Variants in PTPRD observed in about 807,000 individuals in gnomAD.
PTPRD encodes the protein protein tyrosine phosphatase receptor type D.
In PTPRD, 34 loss-of-function variants were observed where a neutral mutation model predicts 214.5. That is an observed-to-expected ratio of 0.16 (90% confidence interval 0.12 to 0.21). The LOEUF (loss-of-function observed/expected upper bound fraction) is 0.21, where lower values mean the gene tolerates loss of function less well. PTPRD is among the 10% of genes least tolerant of loss of function. The pLI, the probability that PTPRD is intolerant of heterozygous loss-of-function variation, is 1.00. For synonymous variants in PTPRD, 1,128 were observed against 845.7 expected, an observed-to-expected ratio of 1.33 and a Z score of -5.79; for missense variants, 2,545 against 2,398.7, an observed-to-expected ratio of 1.06 and a Z score of -1.27.
intron 7 of PTPRD, among the ~76,000 whole-genome samples, chr9:9,651,269 T>G (rs1297998423): frequency 2.0e-5 from 3 of 152,202 alleles, no homozygotes; most frequent in Non-Finnish European, 4.4e-5. Flanking sequence ...AGTTCAAGGA[T>G]ACAAGTGCAG....
intron 12 of PTPRD, among the ~76,000 whole-genome samples, chr9:8,655,667 A>G (rs901849637): frequency 2.6e-5 from 4 of 152,102 alleles, no homozygotes; most frequent in African/African-American, 4.8e-5. Context: ...AATGCCACAT[A>G]TATGAACTTT....
At chr9:9,935,099 C>G (rs1002725917) in intron 5 of PTPRD, among the ~76,000 whole-genome samples, 1 of 152,080 alleles carries the variant, frequency 6.6e-6, no homozygotes, top group Non-Finnish European at 1.5e-5. Flanking sequence ...CTCTCTATGA[C>G]AAACCCACAG....
chr9:8,515,635 T>C (rs1485348245), intron 21 of PTPRD, among the ~76,000 whole-genome samples: 6 of 152,184 alleles, frequency 3.9e-5, no homozygotes, highest in East Asian at 1.9e-4. Flanking sequence ...AATGTAAAGA[T>C]GAAGGTAGTG....
At chr9:10,130,905 A>C (rs2098867080) in intron 3 of PTPRD, among the ~76,000 whole-genome samples, 1 of 152,158 alleles carries the variant, frequency 6.6e-6, no homozygotes. Flanking sequence ...AAATGTGCAA[A>C]GTAGTTCAGC....
chr9:8,651,277 T>C (rs1184999196), intron 12 of PTPRD, among the ~76,000 whole-genome samples: 1 of 152,120 alleles, frequency 6.6e-6, no homozygotes, highest in Non-Finnish European at 1.5e-5. Flanking sequence ...TTCTCCTGAG[T>C]GAGCTATTTG....
At chr9:8,812,539 T>C (rs1440324520) in intron 11 of PTPRD, among the ~76,000 whole-genome samples, 1 of 152,210 alleles carries the variant, frequency 6.6e-6, no homozygotes, top group African/African-American at 2.4e-5. Context: ...TGAAAGTACA[T>C]GTGCAACGAC....
At chr9:9,123,325 T>C (rs1015822388) in intron 10 of PTPRD, among the ~76,000 whole-genome samples, 1 of 152,216 alleles carries the variant, frequency 6.6e-6, no homozygotes, top group Non-Finnish European at 1.5e-5. Context: ...CCATTTCCCC[T>C]TCAGCAAGCT....
At chr9:9,262,111 T>C (rs1441269712) in intron 9 of PTPRD, among the ~76,000 whole-genome samples, 8 of 151,676 alleles carry the variant, frequency 5.3e-5, no homozygotes, top group Admixed American at 5.3e-4. Context: ...CACAGTGTAA[T>C]TCCCTTATGA....
intron 2 of PTPRD, among the ~76,000 whole-genome samples, chr9:10,437,724 T>C (rs2098729398): frequency 6.6e-6 from 1 of 151,556 alleles, no homozygotes; most frequent in African/African-American, 2.4e-5. Context: ...CATGGTTCTA[T>C]CTTCAAAAAT....
rs80197894 is a variant in PTPRD, at chr9:8,574,065, C to A, written c.353-45286G>T. On this transcript the variant is annotated intron_variant, in intron 14 of 45. Transcript: ENST00000381196. ...AGTACAAAACCATTTATATCATATT[C>A]TATTATTGCTCCATCTCAACTCCTG... Among the ~76,000 whole-genome samples the A allele has an allele frequency of 4.3e-4, 66 of 152,008 alleles. 1 individual carries two copies. The East Asian group carries it at 0.013, about 29-fold the overall frequency.
intron 3 of PTPRD, among the ~76,000 whole-genome samples, chr9:10,104,993 T>C (rs764979949): frequency 2.0e-5 from 3 of 151,878 alleles, no homozygotes; most frequent in African/African-American, 2.4e-5. Flanking sequence ...TCTCCCTTTG[T>C]ATATCTGGGA....
chr9:10,217,818 G>A (rs1199507566), intron 3 of PTPRD, among the ~76,000 whole-genome samples: 3 of 151,844 alleles, frequency 2.0e-5, no homozygotes, highest in Non-Finnish European at 4.4e-5. Context: ...GGAGAATAAT[G>A]ATTGTGGAAA....
At chr9:9,846,155 C>G (rs564566101) in intron 5 of PTPRD, among the ~76,000 whole-genome samples, 1 of 152,166 alleles carries the variant, frequency 6.6e-6, no homozygotes, top group African/African-American at 2.4e-5. Flanking sequence ...CCTCCCCAAG[C>G]AAGATATTTT....
chr9:10,400,164 G>A (rs773950659), intron 2 of PTPRD, among the ~76,000 whole-genome samples: 8 of 151,782 alleles, frequency 5.3e-5, no homozygotes, highest in Non-Finnish European at 7.4e-5. Flanking sequence ...AGTCAGGCAG[G>A]TCAACTGAAG....
rs182161647 is a variant in PTPRD at position 9,065,005 on chromosome 9, C to T, written c.-142-46270G>A. 5.3e-5 allele frequency among the ~76,000 whole-genome samples: 8 copies of T among 152,234 alleles called. No individual in the cohort carries two copies. The South Asian group carries it at 1.2e-3, about 24-fold the overall frequency. On this transcript the variant is annotated intron_variant, in intron 10 of 45. Transcript: ENST00000381196. ...CAAATACAGATTCATTTTTCATATG[C>T]CTGAACTTTTGGCTGAAGAATTCAT...
intron 5 of PTPRD, among the ~76,000 whole-genome samples, chr9:9,923,567 A>G (rs942979049): frequency 1.5e-4 from 23 of 151,974 alleles, no homozygotes; most frequent in African/African-American, 5.6e-4. Flanking sequence ...GTTTCCTACA[A>G]AGAAAAAGCA....
intron 14 of PTPRD, among the ~76,000 whole-genome samples, chr9:8,570,933 C>G (rs898578824): frequency 6.6e-6 from 1 of 151,660 alleles, no homozygotes; most frequent in African/African-American, 2.4e-5. Flanking sequence ...AGGTACAGAC[C>G]AGGCAGGCAG....
At chr9:10,309,358 G>A (rs1003168006) in intron 3 of PTPRD, among the ~76,000 whole-genome samples, 3 of 150,896 alleles carry the variant, frequency 2.0e-5, no homozygotes, top group African/African-American at 4.9e-5. Context: ...GTTTTGTTGT[G>A]TTGTGTTTTT....
At chr9:10,528,370 A>G (rs2054997074) in intron 2 of PTPRD, among the ~76,000 whole-genome samples, 1 of 152,170 alleles carries the variant, frequency 6.6e-6, no homozygotes, top group Non-Finnish European at 1.5e-5. Context: ...TTGTCAGAGT[A>G]AACTGAGTTC....
Sources: gnomAD v4.1 joint callset for allele counts (sites outside exome capture counted in the v4.1 genomes callset) on GRCh38, gnomAD v4.1.1 for gene constraint, MANE v1.5 for transcripts, NCBI Gene and HGNC (gene_info 2026-07-23, HGNC 2026-07-21) for gene names.